The following MELK variants were observed in gnomAD, a reference collection of about 807,000 sequenced individuals.
The protein encoded by MELK is maternal embryonic leucine zipper kinase, also known as pEg3 kinase.
In MELK, 81 loss-of-function variants were observed where a neutral mutation model predicts 85.0. The observed-to-expected ratio is 0.95, with a 90% CI of 0.80 to 1.15. MELK has a LOEUF of 1.15. Among genes scored for constraint, MELK ranks in the 50% most tolerant of loss-of-function variants. The pLI is 0.00. For missense variants in MELK, 754 were observed against 777.5 expected, an observed-to-expected ratio of 0.97 and a Z score of 0.36; for synonymous variants, 252 against 265.0, an observed-to-expected ratio of 0.95 and a Z score of 0.48.
At chr9:36,649,849 C>A (rs574522966) in intron 11 of MELK, among the ~76,000 whole-genome samples, 1 of 152,158 alleles carries the variant, frequency 6.6e-6, no homozygotes, top group Admixed American at 6.5e-5. Flanking sequence ...AACTGAGAGG[C>A]CAAGATGGGA....
chr9:36,595,357 C>T (rs982074644), intron 5 of MELK, among the ~76,000 whole-genome samples: 1 of 151,982 alleles, frequency 6.6e-6, no homozygotes, highest in Admixed American at 6.6e-5. Context: ...AGGATGGTCT[C>T]AATCTCCTGA....
At chr9:36,658,349 C>T (rs1242171566) in intron 13 of MELK, among the ~76,000 whole-genome samples, 1 of 152,100 alleles carries the variant, frequency 6.6e-6, no homozygotes, top group African/African-American at 2.4e-5. Flanking sequence ...CATTCTGTTT[C>T]TCAGACTAAT....
chr9:36,636,579 G>T (rs892542126), intron 10 of MELK, among the ~76,000 whole-genome samples: 1 of 152,070 alleles, frequency 6.6e-6, no homozygotes, highest in Non-Finnish European at 1.5e-5. Flanking sequence ...GGTTCAGCTG[G>T]GCTGTTCTTA....
intron 10 of MELK, among the ~76,000 whole-genome samples, chr9:36,638,283 T>C (rs769228796): frequency 2.0e-5 from 3 of 151,968 alleles, no homozygotes; most frequent in Non-Finnish European, 2.9e-5. Context: ...CCCTTACATC[T>C]TTTTTTTGTT....
intron 1 of MELK, among the ~76,000 whole-genome samples, chr9:36,578,217 T>C (rs1036970951): frequency 6.7e-6 from 1 of 149,750 alleles, no homozygotes; most frequent in African/African-American, 2.5e-5. Flanking sequence ...ACTGATTTTG[T>C]ATGGTGTGAG....
At chr9:36,643,275 T>G (rs1444319134) in intron 11 of MELK, among the ~76,000 whole-genome samples, 192 bp downstream of exon 11, 1 of 151,964 alleles carries the variant, frequency 6.6e-6, no homozygotes, top group Non-Finnish European at 1.5e-5. Context: ...CCCAGCTACT[T>G]GGGAGGCTGA....
intron 11 of MELK, among the ~76,000 whole-genome samples, chr9:36,645,256 CA>C (rs398046556): frequency 0.022 from 1,358 of 60,744 alleles, 13 homozygotes; most frequent in African/African-American, 0.061. Context: ...GACTCCGTCT[CA>C]AAAAAAAAAA....
chr9:36,577,660 T>C (rs1187050320), intron 1 of MELK, among the ~76,000 whole-genome samples: 1 of 151,846 alleles, frequency 6.6e-6, no homozygotes, highest in Admixed American at 6.6e-5. Context: ...TTAATTTTTA[T>C]TTATTTTTTT....
chr9:36,604,626 T>C (rs1044815147), intron 7 of MELK, among the ~76,000 whole-genome samples: 6 of 151,788 alleles, frequency 4.0e-5, no homozygotes, highest in Non-Finnish European at 7.4e-5. Flanking sequence ...GTGCTGGGAT[T>C]ACAGGCGTGA....
intron 8 of MELK, among the ~76,000 whole-genome samples, chr9:36,615,348 A>AC (rs1358716828): frequency 3.2e-4 from 24 of 76,116 alleles, no homozygotes; most frequent in Middle Eastern, 9.6e-3. Flanking sequence ...CGGGGGGCTG[A>AC]CCCCCCCACC....
At chr9:36,616,097 AATT>A (rs1330939214) in intron 8 of MELK, among the ~76,000 whole-genome samples, 1 of 152,214 alleles carries the variant, frequency 6.6e-6, no homozygotes, top group Non-Finnish European at 1.5e-5. Flanking sequence ...CAAAGAAAAA[AATT>A]ATTTTTGTAT....
At chr9:36,632,674 A>G (rs1307290713) in intron 9 of MELK, among the ~76,000 whole-genome samples, 1 of 152,212 alleles carries the variant, frequency 6.6e-6, no homozygotes, top group African/African-American at 2.4e-5. Context: ...ACAAATGGAA[A>G]GGTGTGCTTT....
chr9:36,626,683 C>A (rs1236788257), intron 8 of MELK, among the ~76,000 whole-genome samples: 1 of 152,118 alleles, frequency 6.6e-6, no homozygotes, highest in Non-Finnish European at 1.5e-5. Flanking sequence ...AGAGGCCGGG[C>A]ATGGTGGCTC....
At chr9:36,595,560 G>C (rs1824121540) in intron 5 of MELK, among the ~76,000 whole-genome samples, 1 of 151,066 alleles carries the variant, frequency 6.6e-6, no homozygotes, top group Non-Finnish European at 1.5e-5. Flanking sequence ...GCATTTATGA[G>C]CATTCTGTGT....
intron 8 of MELK, among the ~76,000 whole-genome samples, chr9:36,617,766 T>G (rs10125416): frequency 0.02 from 2,993 of 152,270 alleles, 95 homozygotes; most frequent in South Asian, 0.067. Context: ...TATGTTTTCT[T>G]GACTTTAAAC....
chr9:36,611,307 G>A (rs1323790266), intron 8 of MELK, among the ~76,000 whole-genome samples: 1 of 152,174 alleles, frequency 6.6e-6, no homozygotes, highest in East Asian at 1.9e-4. Context: ...AAAGACTGTG[G>A]AAACAGATAA....
At chr9:36,634,403 T>G (rs1421643131) in intron 10 of MELK, among the ~76,000 whole-genome samples, 1 of 152,100 alleles carries the variant, frequency 6.6e-6, no homozygotes, top group Non-Finnish European at 1.5e-5. Flanking sequence ...ATCAAAATGG[T>G]GTTCTTTGAA....
intron 5 of MELK, among the ~76,000 whole-genome samples, chr9:36,596,563 G>GTTTTTTTT: frequency 9.4e-6 from 1 of 106,134 alleles, no homozygotes; most frequent in Non-Finnish European, 1.8e-5. Context: ...GGCCCTTTTT[G>GTTTTTTTT]TTTTTTTTGT....
At chr9:36,591,180 T>A (rs1434436773) in intron 4 of MELK, among the ~76,000 whole-genome samples, 3 of 151,684 alleles carry the variant, frequency 2.0e-5, no homozygotes, top group African/African-American at 7.3e-5. Flanking sequence ...ACACTGTAGA[T>A]CTACCTACAT....
Sources: allele counts gnomAD v4.1 joint callset (sites outside exome capture counted in the v4.1 genomes callset), GRCh38; gene constraint gnomAD v4.1.1; transcripts MANE v1.5; gene names NCBI Gene and HGNC (gene_info 2026-07-23, HGNC 2026-07-21).